Variants in TPH2 observed in about 807,000 individuals in gnomAD.
TPH2 encodes the protein tryptophan 5-hydroxylase 2.
Under a neutral mutation model 59.1 loss-of-function variants are expected in TPH2, and 27 were observed. The observed-to-expected ratio is 0.46, with a 90% CI of 0.34 to 0.63. The LOEUF (loss-of-function observed/expected upper bound fraction) is 0.63, where lower values mean the gene tolerates loss of function less well. TPH2 is among the 30% of genes least tolerant of loss of function. The pLI, the probability that TPH2 is intolerant of heterozygous loss-of-function variation, is 0.01. For synonymous variants in TPH2, 220 were observed against 210.5 expected, an observed-to-expected ratio of 1.05 and a Z score of -0.39; for missense variants, 523 against 588.3, an observed-to-expected ratio of 0.89 and a Z score of 1.15.
chr12:71,974,400 G>T (rs1872058162), intron 6 of TPH2, among the ~76,000 whole-genome samples: 1 of 152,098 alleles, frequency 6.6e-6, no homozygotes, highest in African/African-American at 2.4e-5. Context: ...TCTGTGCCCT[G>T]GCCTTTCCCA....
intron 9 of TPH2, among the ~76,000 whole-genome samples, chr12:72,029,466 C>A (rs1307067039): frequency 2.0e-5 from 3 of 152,164 alleles, no homozygotes; most frequent in African/African-American, 7.2e-5. Flanking sequence ...GGCAAGCCAA[C>A]AGGAAGCCAA....
chr12:72,002,213 A>C (rs1592406664), intron 8 of TPH2, among the ~76,000 whole-genome samples: 1 of 152,190 alleles, frequency 6.6e-6, no homozygotes, highest in African/African-American at 2.4e-5. Context: ...TATTAGAAAA[A>C]GATAAATGCC....
chr12:71,947,469 A>G (rs1281239288), intron 4 of TPH2, among the ~76,000 whole-genome samples: 1 of 151,078 alleles, frequency 6.6e-6, no homozygotes, highest in Non-Finnish European at 1.5e-5. Context: ...GCAAATAAAT[A>G]TCTAGGATGC....
At chr12:71,949,087 C>G (rs919456589) in intron 4 of TPH2, among the ~76,000 whole-genome samples, 1 of 152,130 alleles carries the variant, frequency 6.6e-6, no homozygotes, top group African/African-American at 2.4e-5. Flanking sequence ...TAAAATACAG[C>G]AAAACCTCTT....
chr12:72,015,370 A>G (rs1873215176), intron 8 of TPH2, among the ~76,000 whole-genome samples: 2 of 119,794 alleles, frequency 1.7e-5, no homozygotes, highest in South Asian at 5.5e-4. Context: ...CCCAGGCTGG[A>G]GTGCAGTGGT....
In TPH2 at chr12:72,032,075, A is replaced by C. The variant is rs935708219; in HGVS notation, c.*380A>C. The C allele has an allele frequency of 2.2e-5, 5 of 230,478 alleles. No homozygotes were observed. Among genetic ancestry groups the C allele is most frequent in the Non-Finnish European group, 4.4e-5 (5 of 114,548 alleles). The allele number at this position is 230,478 out of a possible 1,614,324, so 14.3% of individuals were successfully genotyped here. A position where few individuals can be genotyped will look rare whatever the true frequency, so the allele number is the denominator to read the frequency against. On this transcript the variant is annotated 3_prime_UTR_variant, in exon 11 of 11. Coordinates refer to ENST00000333850, the MANE Select transcript of TPH2 (RefSeq NM_173353.4). ...TGTGTTCATTAGATAAAATGAAAAAAAGCAGTGAAGCTGTTTCCATTTTCA... is the reference window on the plus strand; with the variant it reads ...TGTGTTCATTAGATAAAATGAAAAACAGCAGTGAAGCTGTTTCCATTTTCA...
intron 8 of TPH2, among the ~76,000 whole-genome samples, chr12:72,002,458 GGAA>G (rs1274465454): frequency 6.6e-6 from 1 of 152,168 alleles, no homozygotes; most frequent in East Asian, 1.9e-4. Context: ...GGAAAAGGGT[GGAA>G]GAACCGTGGC....
chr12:71,974,572 C>T (rs1481643438), intron 6 of TPH2, among the ~76,000 whole-genome samples: 1 of 152,192 alleles, frequency 6.6e-6, no homozygotes, highest in African/African-American at 2.4e-5. Context: ...TTATCTAGGA[C>T]AGTCTCTCCA....
intron 5 of TPH2, among the ~76,000 whole-genome samples, chr12:71,951,065 T>C (rs1592862456): frequency 2.0e-5 from 3 of 152,260 alleles, no homozygotes; most frequent in Admixed American, 2.0e-4. Context: ...AGCAGCTTCT[T>C]TCCCCTCTCT....
intron 4 of TPH2, among the ~76,000 whole-genome samples, chr12:71,946,361 G>A (rs560328264): frequency 2.0e-5 from 3 of 152,242 alleles, no homozygotes; most frequent in Non-Finnish European, 4.4e-5. Flanking sequence ...TCAACCTGGA[G>A]AAAGGAGTTC....
intron 9 of TPH2, among the ~76,000 whole-genome samples, chr12:72,023,983 T>C (rs1873500152): frequency 1.3e-5 from 2 of 152,106 alleles, no homozygotes; most frequent in South Asian, 2.1e-4. Flanking sequence ...ATAAAGACAT[T>C]AAGGAACTTG....
At chr12:71,967,245 C>T (rs776410289) in intron 5 of TPH2, among the ~76,000 whole-genome samples, 3 of 152,228 alleles carry the variant, frequency 2.0e-5, no homozygotes, top group Non-Finnish European at 4.4e-5. Context: ...TCTGCAGGCA[C>T]AAGGCTGGTT....
chr12:72,015,231 A>G (rs1873209206), intron 8 of TPH2, among the ~76,000 whole-genome samples: 1 of 151,760 alleles, frequency 6.6e-6, no homozygotes, highest in African/African-American at 2.4e-5. Flanking sequence ...CTTCTCAAAA[A>G]CTAGATGGAA....
intron 8 of TPH2, among the ~76,000 whole-genome samples, chr12:72,000,522 G>A (rs1872797021): frequency 6.6e-6 from 1 of 152,176 alleles, no homozygotes. Flanking sequence ...CTCACATCAT[G>A]CTGCTGCTGC....
intron 9 of TPH2, 59 bp from the exon 10 acceptor site, chr12:72,031,199 T>A: frequency 6.2e-7 from 1 of 1,609,972 alleles, no homozygotes; most frequent in Non-Finnish European, 8.5e-7. Context: ...AAATGTGATG[T>A]CATGGAGCTT....
chr12:71,946,528 G>A (rs1871201778), intron 4 of TPH2, among the ~76,000 whole-genome samples: 2 of 152,142 alleles, frequency 1.3e-5, no homozygotes, highest in South Asian at 4.1e-4. Flanking sequence ...GCAGCCACTT[G>A]AAATAATTGC....
chr12:72,023,617 G>C (rs1224790466), intron 9 of TPH2, among the ~76,000 whole-genome samples: 1 of 152,080 alleles, frequency 6.6e-6, no homozygotes, highest in East Asian at 1.9e-4. Context: ...ATCACCTGAG[G>C]TCAGGAGTTC....
chr12:71,955,820 G>A (rs530692161), intron 5 of TPH2, among the ~76,000 whole-genome samples: 3 of 151,928 alleles, frequency 2.0e-5, no homozygotes, highest in South Asian at 2.1e-4. Flanking sequence ...CACTCCCCTC[G>A]GCCAAGGCTT....
chr12:71,951,325 G>C (rs193017664), intron 5 of TPH2, among the ~76,000 whole-genome samples: 122 of 152,258 alleles, frequency 8.0e-4, no homozygotes, highest in African/African-American at 2.8e-3. Flanking sequence ...GGTCATGACT[G>C]TAAAGGTGGA....
Sources: allele counts gnomAD v4.1 joint callset (sites outside exome capture counted in the v4.1 genomes callset), GRCh38; gene constraint gnomAD v4.1.1; transcripts MANE v1.5; gene names NCBI Gene and HGNC (gene_info 2026-07-23, HGNC 2026-07-21).